The following GAD2 variants were observed in gnomAD, a reference collection of about 807,000 sequenced individuals.
GAD2 encodes 65 kDa glutamic acid decarboxylase.
A neutral mutation model predicts 80.1 loss-of-function variants in GAD2; 22 were observed. The ratio of observed to expected loss-of-function variants is 0.27; its 90% CI spans 0.20 to 0.39. The LOEUF is 0.39. GAD2 is among the 10% of genes least tolerant of loss of function. The pLI is 1.00. For missense variants in GAD2, 624 were observed against 738.4 expected (o/e 0.85, Z 1.80); for synonymous variants, 274 against 256.9 (o/e 1.07, Z -0.64).
At chr10:26,245,163 A>G (rs953068299) in intron 7 of GAD2, among the ~76,000 whole-genome samples, 1 of 149,780 alleles carries the variant, frequency 6.7e-6, no homozygotes, top group Non-Finnish European at 1.5e-5. Flanking sequence ...CAAAAAAAAA[A>G]AAAAAAGAAA....
intron 7 of GAD2, among the ~76,000 whole-genome samples, chr10:26,237,844 CA>C (rs1361920286): frequency 6.6e-6 from 1 of 151,950 alleles, no homozygotes; most frequent in Non-Finnish European, 1.5e-5. Flanking sequence ...CCCACCTCTA[CA>C]AAAAATACAA....
intron 13 of GAD2, 51 bp from the exon 14 acceptor site, chr10:26,292,414 T>C (rs934127623): frequency 7.2e-7 from 1 of 1,381,276 alleles, no homozygotes; most frequent in Admixed American, 1.7e-5. Context: ...GGGAAATCGC[T>C]TCCTCCGCAC....
intron 8 of GAD2, among the ~76,000 whole-genome samples, chr10:26,254,302 A>G (rs8190680): frequency 1.3e-5 from 2 of 152,150 alleles, no homozygotes; most frequent in Non-Finnish European, 2.9e-5. Flanking sequence ...CTCCCAAAAC[A>G]TTAGTTAGAT....
Position 26,217,458 on chromosome 10 carries a change from G to T in GAD2, c.77-152G>T. 1 of 752,802 alleles carries T rather than the reference G, an allele frequency of 1.3e-6. No homozygotes were observed. Among genetic ancestry groups the T allele is most frequent in the South Asian group, 1.6e-5 (1 of 60,666 alleles). 46.6% of individuals were successfully genotyped at this position (752,802 alleles called of 1,614,324 possible). A position where few individuals can be genotyped will look rare whatever the true frequency, so the allele number is the denominator to read the frequency against. ...AGCCTCCCGCTTGCCTTCTGCACCT[G>T]CCGGCCTCACCGAGTCCTGAGCGGC... On this transcript the variant is annotated intron_variant, in intron 1 of 15. Coordinates refer to ENST00000376261, the MANE Select transcript of GAD2 (RefSeq NM_001134366.2). This position sits in a 1 kb window ranked among gnomAD's most constrained non-coding sequence, Gnocchi z 4.9.
chr10:26,283,906 T>C (rs1845300539), intron 12 of GAD2, among the ~76,000 whole-genome samples: 1 of 152,198 alleles, frequency 6.6e-6, no homozygotes, highest in Admixed American at 6.5e-5. Context: ...GCTGGTTTAG[T>C]AACACCAGGT....
chr10:26,283,954 G>C (rs1055280290), intron 12 of GAD2, among the ~76,000 whole-genome samples: 1 of 152,148 alleles, frequency 6.6e-6, no homozygotes, highest in African/African-American at 2.4e-5. Context: ...CATCTGACTT[G>C]GGTTCAATAA....
chr10:26,255,188 G>T (rs1007185470), intron 8 of GAD2, among the ~76,000 whole-genome samples: 4 of 152,208 alleles, frequency 2.6e-5, no homozygotes, highest in African/African-American at 9.6e-5. Flanking sequence ...AGCCAGAGTT[G>T]TCAGAGAATC....
chr10:26,240,363 A>T (rs1432962047), intron 7 of GAD2, among the ~76,000 whole-genome samples: 1 of 152,140 alleles, frequency 6.6e-6, no homozygotes, highest in African/African-American at 2.4e-5. Flanking sequence ...TATTTTTTTA[A>T]TTACAAATAT....
chr10:26,283,592 C>T (rs1307957742), intron 12 of GAD2, among the ~76,000 whole-genome samples: 1 of 152,192 alleles, frequency 6.6e-6, no homozygotes, highest in African/African-American at 2.4e-5. Context: ...GGTGGTCTCC[C>T]ACCCTCCTCT....
At chr10:26,230,660 C>T (rs1349146462) in intron 7 of GAD2, among the ~76,000 whole-genome samples, 2 of 152,076 alleles carry the variant, frequency 1.3e-5, no homozygotes, top group African/African-American at 4.8e-5. Flanking sequence ...GTCTCAAACT[C>T]CTGGCCTCAG....
At chr10:26,300,301 G>C (rs1332849324) in intron 15 of GAD2, among the ~76,000 whole-genome samples, 1 of 152,174 alleles carries the variant, frequency 6.6e-6, no homozygotes, top group East Asian at 1.9e-4. Context: ...ACTGCAAAGA[G>C]AGAACGAAAA....
rs1327262250 is a variant in GAD2 at position 26,217,460 on chromosome 10, C to T, written c.77-150C>T. Reference sequence around the variant, plus strand: ...CCTCCCGCTTGCCTTCTGCACCTGCCGGCCTCACCGAGTCCTGAGCGGCCC... The same window carrying T: ...CCTCCCGCTTGCCTTCTGCACCTGCTGGCCTCACCGAGTCCTGAGCGGCCC... On this transcript the variant is annotated intron_variant, in intron 1 of 15. Coordinates refer to ENST00000376261, the MANE Select transcript of GAD2 (RefSeq NM_001134366.2). This position sits in a 1 kb window ranked among gnomAD's most constrained non-coding sequence, Gnocchi z 4.9. The T allele has an allele frequency of 1.1e-5, 8 of 758,624 alleles. No homozygotes were observed. The highest frequency in any genetic ancestry group is 8.6e-5 in the African/African-American group (5 of 57,938). 47.0% of individuals were successfully genotyped at this position (758,624 alleles called of 1,614,324 possible). A position where few individuals can be genotyped will look rare whatever the true frequency, so the allele number is the denominator to read the frequency against.
chr10:26,286,520 G>A (rs1845334877), intron 13 of GAD2, 26 bp downstream of exon 13: 1 of 1,577,810 alleles, frequency 6.3e-7, no homozygotes, highest in South Asian at 1.2e-5. Context: ...CCAGCTAAAT[G>A]TCAACTAAAA....
chr10:26,221,697 A>C (rs192854644), intron 4 of GAD2, among the ~76,000 whole-genome samples: 173 of 152,342 alleles, frequency 1.1e-3, no homozygotes, highest in African/African-American at 4.0e-3. Flanking sequence ...GAGTCTGCGC[A>C]TCCTTCCGGG....
intron 11 of GAD2, among the ~76,000 whole-genome samples, chr10:26,276,195 A>C (rs571590574): frequency 6.6e-6 from 1 of 152,016 alleles, no homozygotes; most frequent in African/African-American, 2.4e-5. Context: ...ATAAATAAAT[A>C]AAATGGCACA....
chr10:26,247,779 CCAG>C (rs1356442111), intron 8 of GAD2, among the ~76,000 whole-genome samples: 1 of 151,316 alleles, frequency 6.6e-6, no homozygotes, highest in African/African-American at 2.4e-5. Flanking sequence ...GCCTGTGGTC[CCAG>C]CTACTCAGGA....
At chr10:26,236,569 G>A (rs1338395148) in intron 7 of GAD2, among the ~76,000 whole-genome samples, 1 of 152,096 alleles carries the variant, frequency 6.6e-6, no homozygotes, top group East Asian at 1.9e-4. Context: ...TCAAAGTGCT[G>A]GAATTACAGG....
At chr10:26,300,320 A>G (rs1834315185) in intron 15 of GAD2, among the ~76,000 whole-genome samples, 1 of 152,198 alleles carries the variant, frequency 6.6e-6, no homozygotes, top group Non-Finnish European at 1.5e-5. Context: ...AAGAAACTAG[A>G]AAGCTCTGGG....
chr10:26,281,044 T>C lies in GAD2; in HGVS notation c.1193T>C (p.Met398Thr). 6.2e-7 allele frequency: 1 copy of C among 1,613,842 alleles called. No homozygotes were observed. Among genetic ancestry groups the C allele is most frequent in the Non-Finnish European group, 8.5e-7 (1 of 1,179,790 alleles). The change falls in exon 12 of 16, where the codon ATG becomes ACG. Residue 398 changes from methionine to threonine, a missense_variant. Transcript: ENST00000376261. ...NSVTWNPHKMMGVPLQCSALL... is the reference protein window; with the variant it reads ...NSVTWNPHKMTGVPLQCSALL... ...GTGACGTGGAATCCACACAAGATGA[T>C]GGGAGTCCCTTTGCAGTGCTCTGCT...
Sources: gnomAD v4.1 joint callset for allele counts (sites outside exome capture counted in the v4.1 genomes callset) on GRCh38, gnomAD v4.1.1 for gene constraint, Gnocchi (gnomAD v3.1) non-coding constraint, MANE v1.5 for transcripts, NCBI Gene and HGNC (gene_info 2026-07-23, HGNC 2026-07-21) for gene names.